The following CAMSAP1 variants were observed in gnomAD, a reference collection of about 807,000 sequenced individuals.
CAMSAP1 encodes the protein calmodulin-regulated spectrin-associated protein 1.
In CAMSAP1, 58 loss-of-function variants were observed where a neutral mutation model predicts 143.5. The observed-to-expected ratio is 0.40, with a 90% CI of 0.33 to 0.50. The LOEUF (loss-of-function observed/expected upper bound fraction) is 0.50, where lower values mean the gene tolerates loss of function less well. Among genes scored for constraint, CAMSAP1 ranks in the 20% least tolerant of loss-of-function variants. The pLI, the probability that CAMSAP1 is intolerant of heterozygous loss-of-function variation, is 0.45. For missense variants in CAMSAP1, 1,969 were observed against 2,115.7 expected, an observed-to-expected ratio of 0.93 and a Z score of 1.36; for synonymous variants, 945 against 859.3, an observed-to-expected ratio of 1.10 and a Z score of -1.74.
chr9:135,840,340 C>T (rs976754254), intron 7 of CAMSAP1, among the ~76,000 whole-genome samples: 3 of 152,178 alleles, frequency 2.0e-5, no homozygotes, highest in African/African-American at 7.2e-5. Context: ...CCAGAGTGAA[C>T]TGAAGCTTAG....
intron 16 of CAMSAP1, among the ~76,000 whole-genome samples, chr9:135,814,528 T>A (rs941145029): frequency 6.6e-6 from 1 of 152,162 alleles, no homozygotes; most frequent in Non-Finnish European, 1.5e-5. Context: ...GACCCTCAGA[T>A]TCCTGCTTCC....
At chr9:135,850,300 A>C in intron 6 of CAMSAP1, 22 bp downstream of exon 6, 3 of 1,610,842 alleles carry the variant, frequency 1.9e-6, no homozygotes, top group African/African-American at 1.3e-5. Flanking sequence ...TTAAAACTGC[A>C]TGCCAAATAA....
chr9:135,899,004 T>C (rs1838535920), intron 1 of CAMSAP1, among the ~76,000 whole-genome samples: 1 of 96,940 alleles, frequency 1.0e-5, no homozygotes, highest in Admixed American at 9.9e-5. Context: ...TACCATGGAA[T>C]ATTATTACTA....
intron 11 of CAMSAP1, among the ~76,000 whole-genome samples, chr9:135,819,525 CCT>C (rs35851823): frequency 0.02 from 3,029 of 152,086 alleles, 36 homozygotes; most frequent in Non-Finnish European, 0.03. Context: ...ATGGCGAAAC[CCT>C]GTCTCTATTA....
At position 135,824,905 on chromosome 9, in the gene CAMSAP1, A is replaced by T; in HGVS notation, c.1224-25T>A. ...GCTAAATGGAAAAAGAATTACAGGG[A>T]AAATCATTCCTTTATCAAACTTCAA... On this transcript the variant is annotated intron_variant, in intron 8 of 16. Transcript: ENST00000389532. The surrounding 1 kb of genome is among the most constrained non-coding windows in gnomAD (Gnocchi z 4.1). 6.5e-7 allele frequency: 1 copy of T among 1,540,856 alleles called. No individual in the cohort carries two copies.
chr9:135,811,786 A>G lies in CAMSAP1; in HGVS notation c.4507-175T>C, dbSNP rs1053744839. ...GCAGACCCCTGTACGGGAGCATTAT[A>G]TGCCATTGAGACTTTACTTAAGAAG... is the stretch of plus-strand genomic sequence containing the variant. On this transcript the variant is annotated intron_variant, in intron 16 of 16. Coordinates refer to ENST00000389532, the MANE Select transcript of CAMSAP1 (RefSeq NM_015447.4). The surrounding 1 kb of genome is among the most constrained non-coding windows in gnomAD (Gnocchi z 4.9). Among the ~76,000 whole-genome samples, 3 of 152,240 alleles carry G rather than the reference A, an allele frequency of 2.0e-5. No individual in the cohort carries two copies. The highest frequency in any genetic ancestry group is 4.4e-5 in the Non-Finnish European group (3 of 68,048).
chr9:135,888,412 T>A (rs1838191570), intron 1 of CAMSAP1, among the ~76,000 whole-genome samples: 1 of 152,144 alleles, frequency 6.6e-6, no homozygotes, highest in Non-Finnish European at 1.5e-5. Flanking sequence ...CAAAGACCCC[T>A]CTGGCAGGTG....
intron 1 of CAMSAP1, among the ~76,000 whole-genome samples, chr9:135,894,167 G>A (rs931790556): frequency 1.3e-5 from 2 of 152,108 alleles, no homozygotes; most frequent in African/African-American, 4.8e-5. Flanking sequence ...ATCAGCAAGA[G>A]ATCCCTCAGC....
Position 135,881,806 on chromosome 9 carries a change from GGCA to G in CAMSAP1, c.424-15_424-13del. 6.4e-7 allele frequency: 1 copy of G among 1,551,802 alleles called. No homozygotes were observed. Among genetic ancestry groups the G allele is most frequent in the Non-Finnish European group, 8.7e-7 (1 of 1,146,904 alleles). ...GCCATGTGGGCACTCTAGGGGCAGA[GGCA>G]GCAGCTATAATCCCTCAAACCCACC... On this transcript the variant is annotated splice_polypyrimidine_tract_variant and intron_variant, in intron 2 of 16. Coordinates refer to ENST00000389532, the MANE Select transcript of CAMSAP1 (RefSeq NM_015447.4).
At chr9:135,885,985 G>A (rs1838108829) in intron 1 of CAMSAP1, among the ~76,000 whole-genome samples, 1 of 151,920 alleles carries the variant, frequency 6.6e-6, no homozygotes, top group Admixed American at 6.5e-5. Flanking sequence ...ACTGGCTTCA[G>A]TGAAAGCAAC....
intron 14 of CAMSAP1, among the ~76,000 whole-genome samples, chr9:135,816,821 C>G (rs895597231): frequency 6.6e-6 from 1 of 152,148 alleles, no homozygotes. Flanking sequence ...TGACAACACG[C>G]GTGGAGGAAG....
chr9:135,894,043 C>T (rs1214559538), intron 1 of CAMSAP1, among the ~76,000 whole-genome samples: 3 of 152,132 alleles, frequency 2.0e-5, no homozygotes, highest in African/African-American at 7.2e-5. Context: ...TTCCTGACTC[C>T]CTGCCTAGCA....
At chr9:135,889,257 C>T (rs1346144835) in intron 1 of CAMSAP1, among the ~76,000 whole-genome samples, 3 of 152,202 alleles carry the variant, frequency 2.0e-5, no homozygotes, top group South Asian at 2.1e-4. Context: ...GGGTGGACTA[C>T]CTGCTAGAAC....
At chr9:135,833,517 G>A (rs145563564) in intron 7 of CAMSAP1, among the ~76,000 whole-genome samples, 17 of 151,970 alleles carry the variant, frequency 1.1e-4, no homozygotes, top group African/African-American at 3.6e-4. Context: ...TGAGGTATAC[G>A]GTTAACTAAT....
Position 135,850,224 on chromosome 9 carries a change from T to C in CAMSAP1, c.958A>G (p.Met320Val), listed in dbSNP as rs1836724623. 1.2e-6 allele frequency: 2 copies of C among 1,613,208 alleles called. No individual in the cohort carries two copies. The highest frequency in any genetic ancestry group is 1.6e-4 in the Middle Eastern group (1 of 6,062). Residue 320 changes from methionine (M) to valine (V), a missense_variant, in exon 7 of 17, where the codon ATG becomes GTG. Physicochemically the swap from Met to Val is conservative, Grantham distance 21 (BLOSUM62 1). Transcript: ENST00000389532. ...YAPLVLKPNV[M>V]VFIAELFWWF... ...CAAAAAAGCTCCGCAATAAAAACCA[T>C]AACATTCGGCTAAAAGACAAAAACA...
chr9:135,835,648 T>C (rs142420158), intron 7 of CAMSAP1, among the ~76,000 whole-genome samples: 1 of 152,228 alleles, frequency 6.6e-6, no homozygotes, highest in Non-Finnish European at 1.5e-5. Context: ...CAGTATGCCA[T>C]GCTGGACGGA....
intron 10 of CAMSAP1, 42 bp downstream of exon 10, chr9:135,823,908 A>G: frequency 6.7e-7 from 1 of 1,503,412 alleles, no homozygotes; most frequent in East Asian, 2.4e-5. Context: ...GTTTAGTATA[A>G]AAAACATTCC....
chr9:135,890,381 C>A (rs533982920), intron 1 of CAMSAP1, among the ~76,000 whole-genome samples: 1 of 152,256 alleles, frequency 6.6e-6, no homozygotes, highest in African/African-American at 2.4e-5. Context: ...AGGCCAAGTT[C>A]AGGCAGAAGA....
In CAMSAP1 at chr9:135,870,190, GGAC is replaced by G. The variant is rs1837522813; in HGVS notation, c.586-3657_586-3655del. On this transcript the variant is annotated intron_variant, in intron 3 of 16. Transcript: ENST00000389532. ...CCATAATTCCCACATGTTGAGGGAG[GGAC>G]GAGGTGGGAGGTGACTGGATCATGG... Among the ~76,000 whole-genome samples the G allele has an allele frequency of 2.0e-5, 3 of 152,188 alleles. No individual in the cohort carries two copies. In the South Asian group the frequency reaches 6.2e-4, roughly 32 times the overall value.
Sources: gnomAD v4.1 joint callset for allele counts (sites outside exome capture counted in the v4.1 genomes callset) on GRCh38, gnomAD v4.1.1 for gene constraint, Gnocchi (gnomAD v3.1) non-coding constraint, MANE v1.5 for transcripts, NCBI Gene and HGNC (gene_info 2026-07-23, HGNC 2026-07-21) for gene names.